Variants in CNTNAP4 observed in about 807,000 individuals in gnomAD.
The protein encoded by CNTNAP4 is contactin-associated protein-like 4.
Under a neutral mutation model 148.4 loss-of-function variants are expected in CNTNAP4, and 98 were observed. The observed-to-expected ratio is 0.66, with a 90% CI of 0.56 to 0.78. CNTNAP4 has a LOEUF of 0.78. Ranked by LOEUF, CNTNAP4 falls within the 30% of genes least tolerant of loss-of-function variation. The probability of loss-of-function intolerance (pLI) is 0.00; values close to 1 mark genes in which losing one functional copy is unlikely to be tolerated. For missense variants in CNTNAP4, 1,935 were observed against 1,565.6 expected (o/e 1.24, Z -3.98); for synonymous variants, 730 against 565.1 (o/e 1.29, Z -4.14).
chr16:76,309,600 T>A (rs1373473783), intron 1 of CNTNAP4, among the ~76,000 whole-genome samples: 1 of 152,180 alleles, frequency 6.6e-6, no homozygotes, highest in African/African-American at 2.4e-5. Context: ...TGGGCAAAAA[T>A]GAGGGAAGCT....
chr16:76,345,381 C>T lies in CNTNAP4; in HGVS notation c.197-9937C>T, dbSNP rs540335002. ...GGAAAACACATTGTTTTAATAAAAA[C>T]AAAACAGTGATTTCCTGTCAAAGAA... is the stretch of plus-strand genomic sequence containing the variant. On this transcript the variant is annotated intron_variant, in intron 2 of 23. Transcript: ENST00000611870. Among the ~76,000 whole-genome samples the T allele has an allele frequency of 2.2e-3, 341 of 152,250 alleles. 1 individual carries two copies. The highest frequency in any genetic ancestry group is 3.0e-3 in the Admixed American group (46 of 15,284).
intron 3 of CNTNAP4, 103 bp from the exon 4 acceptor site, chr16:76,427,349 A>G (rs1386100518): frequency 1.9e-5 from 17 of 883,348 alleles, no homozygotes; most frequent in African/African-American, 1.2e-4. Context: ...AGCACCATTC[A>G]TAGTAAAATG....
chr16:76,311,767 G>T (rs925529328), intron 1 of CNTNAP4, among the ~76,000 whole-genome samples: 2 of 152,098 alleles, frequency 1.3e-5, no homozygotes, highest in Admixed American at 1.3e-4. Context: ...GAAATGTTTG[G>T]TTACTCGATT....
chr16:76,516,801 C>T (rs925953211), intron 15 of CNTNAP4, among the ~76,000 whole-genome samples: 2 of 152,172 alleles, frequency 1.3e-5, no homozygotes, highest in African/African-American at 2.4e-5. Flanking sequence ...TGGTGGCTCA[C>T]GCCTGTAATC....
At chr16:76,503,798 G>A (rs543274412) in intron 15 of CNTNAP4, among the ~76,000 whole-genome samples, 282 of 151,746 alleles carry the variant, frequency 1.9e-3, no homozygotes, top group African/African-American at 5.8e-3. Context: ...TTGTCTTTGC[G>A]ATAGTTTGCT....
At chr16:76,432,905 A>G (rs1597517128) in intron 4 of CNTNAP4, among the ~76,000 whole-genome samples, 1 of 152,112 alleles carries the variant, frequency 6.6e-6, no homozygotes, top group Non-Finnish European at 1.5e-5. Context: ...TGATTTTTCT[A>G]GCCTTAGGGT....
chr16:76,522,791 C>T (rs532158131), intron 17 of CNTNAP4, among the ~76,000 whole-genome samples: 2 of 137,558 alleles, frequency 1.5e-5, no homozygotes, highest in South Asian at 4.6e-4. Context: ...TTGACAGAGT[C>T]TCGCTCTGTC....
At chr16:76,479,320 A>G (rs899789285) in intron 11 of CNTNAP4, 99 bp from the exon 12 acceptor site, 2 of 1,106,518 alleles carry the variant, frequency 1.8e-6, no homozygotes, top group Non-Finnish European at 2.5e-6. Flanking sequence ...TCAGTAATGT[A>G]CATTTTAAAT....
chr16:76,382,060 C>CAAAAA (rs67028367), intron 3 of CNTNAP4, among the ~76,000 whole-genome samples: 9 of 53,316 alleles, frequency 1.7e-4, no homozygotes, highest in Admixed American at 6.0e-4. Flanking sequence ...GACTCCGTCT[C>CAAAAA]AAAAAAAAAA....
chr16:76,433,974 G>C (rs1470778656), intron 4 of CNTNAP4, among the ~76,000 whole-genome samples: 1 of 151,750 alleles, frequency 6.6e-6, no homozygotes, highest in Non-Finnish European at 1.5e-5. Flanking sequence ...TTGATGACAA[G>C]TGGAGTGTAT....
At chr16:76,502,510 T>G (rs183121537) in intron 15 of CNTNAP4, among the ~76,000 whole-genome samples, 3 of 152,150 alleles carry the variant, frequency 2.0e-5, no homozygotes, top group African/African-American at 7.2e-5. Context: ...GACTACACAT[T>G]GAATAATTTA....
chr16:76,385,701 T>C (rs1272339569), intron 3 of CNTNAP4, among the ~76,000 whole-genome samples: 1 of 152,096 alleles, frequency 6.6e-6, no homozygotes, highest in Non-Finnish European at 1.5e-5. Flanking sequence ...GACTGCAATA[T>C]TTTTGTCCAC....
chr16:76,525,972 C>T (rs918211438), intron 17 of CNTNAP4, among the ~76,000 whole-genome samples: 2 of 151,176 alleles, frequency 1.3e-5, no homozygotes, highest in Non-Finnish European at 2.9e-5. Context: ...TGTATGTATC[C>T]GTACATGTAT....
chr16:76,469,010 C>A (rs1045074800), intron 10 of CNTNAP4, among the ~76,000 whole-genome samples: 14 of 152,076 alleles, frequency 9.2e-5, no homozygotes, highest in African/African-American at 3.4e-4. Flanking sequence ...TAACTTTTTA[C>A]TTTTATAAGA....
intron 2 of CNTNAP4, among the ~76,000 whole-genome samples, chr16:76,338,906 A>G (rs1964239290): frequency 6.6e-6 from 1 of 152,196 alleles, no homozygotes; most frequent in Non-Finnish European, 1.5e-5. Context: ...TACAGAAGTG[A>G]TCTCTGTTTA....
chr16:76,298,492 G>A (rs1445450072), intron 1 of CNTNAP4, among the ~76,000 whole-genome samples: 3 of 134,836 alleles, frequency 2.2e-5, no homozygotes, highest in Admixed American at 1.5e-4. Context: ...ATGTATGTGT[G>A]TGTGTGTGTG....
intron 1 of CNTNAP4, among the ~76,000 whole-genome samples, chr16:76,297,182 T>C (rs763165090): frequency 6.6e-6 from 1 of 152,228 alleles, no homozygotes; most frequent in Non-Finnish European, 1.5e-5. Flanking sequence ...GCTATTTTAA[T>C]TGATGGCACT....
At chr16:76,295,555 C>A (rs1343048009) in intron 1 of CNTNAP4, among the ~76,000 whole-genome samples, 1 of 152,038 alleles carries the variant, frequency 6.6e-6, no homozygotes, top group Middle Eastern at 3.4e-3. Flanking sequence ...TGAACTAACT[C>A]CTGTAAAAAG....
chr16:76,345,789 C>T (rs1284480521), intron 2 of CNTNAP4, among the ~76,000 whole-genome samples: 2 of 152,090 alleles, frequency 1.3e-5, no homozygotes. Context: ...GGGGCAGAGA[C>T]AGAATTTACA....
Sources: allele counts gnomAD v4.1 joint callset (sites outside exome capture counted in the v4.1 genomes callset), GRCh38; gene constraint gnomAD v4.1.1; transcripts MANE v1.5; gene names NCBI Gene and HGNC (gene_info 2026-07-23, HGNC 2026-07-21).